The following CLDN14 variants were observed in gnomAD, a reference collection of about 807,000 sequenced individuals.
The protein encoded by CLDN14 is claudin-14.
Under a neutral mutation model 2.1 loss-of-function variants are expected in CLDN14, and 2 were observed. The ratio of observed to expected loss-of-function variants is 0.96; its 90% CI spans 0.39 to 3.01. CLDN14 has a LOEUF of 3.01. CLDN14 is among the 30% of genes most tolerant of loss of function. CLDN14 has a pLI of 0.09. For synonymous variants in CLDN14, 136 were observed against 154.4 expected (o/e 0.88, Z 0.88); for missense variants, 298 against 328.0 (o/e 0.91, Z 0.71).
chr21:36,535,770 T>C (rs1276955654), intron 1 of CLDN14, among the ~76,000 whole-genome samples: 2 of 152,200 alleles, frequency 1.3e-5, no homozygotes, highest in Non-Finnish European at 2.9e-5. Flanking sequence ...TGTAACGTCA[T>C]GTATAAGCAA....
chr21:36,543,812 G>T (rs147855880), intron 1 of CLDN14, among the ~76,000 whole-genome samples: 1 of 152,172 alleles, frequency 6.6e-6, no homozygotes, highest in African/African-American at 2.4e-5. Context: ...TGTGGGACAC[G>T]GCCAAAAGCA....
chr21:36,486,522 C>A, intron 2 of CLDN14: 1 of 1,565,420 alleles, frequency 6.4e-7, no homozygotes, highest in Non-Finnish European at 8.8e-7. Context: ...AGCATGGCAC[C>A]CCCTTCCCCA....
At chr21:36,555,859 G>GAA (rs2087595891) in intron 1 of CLDN14, among the ~76,000 whole-genome samples, 5 of 151,584 alleles carry the variant, frequency 3.3e-5, no homozygotes, top group Non-Finnish European at 7.4e-5. Context: ...GTGAGAGAGA[G>GAA]AGAGTGTGTG....
At chr21:36,494,293 A>C (rs1412928245) in intron 2 of CLDN14, among the ~76,000 whole-genome samples, 1 of 152,206 alleles carries the variant, frequency 6.6e-6, no homozygotes, top group Non-Finnish European at 1.5e-5. Context: ...TTATCTAATA[A>C]GGCCCATTTC....
chr21:36,508,263 T>C (rs973421707), intron 2 of CLDN14, among the ~76,000 whole-genome samples: 4 of 152,222 alleles, frequency 2.6e-5, no homozygotes, highest in African/African-American at 9.6e-5. Flanking sequence ...GTGATTGTTC[T>C]AGACTCACCC....
chr21:36,572,438 C>T (rs990593520), intron 1 of CLDN14, among the ~76,000 whole-genome samples: 7 of 152,054 alleles, frequency 4.6e-5, no homozygotes, highest in Non-Finnish European at 7.4e-5. Flanking sequence ...CAACCTCTAC[C>T]CTCCACCCAG....
chr21:36,515,826 ACC>A (rs1263973946), intron 1 of CLDN14, among the ~76,000 whole-genome samples: 2 of 118,892 alleles, frequency 1.7e-5, no homozygotes, highest in Non-Finnish European at 3.3e-5. Flanking sequence ...TCACTCTGTC[ACC>A]CAGGCTGGAG....
intron 1 of CLDN14, among the ~76,000 whole-genome samples, chr21:36,549,493 C>T (rs2087549183): frequency 6.6e-6 from 1 of 152,212 alleles, no homozygotes; most frequent in African/African-American, 2.4e-5. Context: ...TCTCAGGGCA[C>T]CCCACAGAGG....
chr21:36,568,491 A>G (rs1375544319), intron 1 of CLDN14, among the ~76,000 whole-genome samples: 1 of 152,196 alleles, frequency 6.6e-6, no homozygotes, highest in Non-Finnish European at 1.5e-5. Context: ...AGCCCCTGGC[A>G]TGGGGATGGG....
chr21:36,516,195 C>G (rs1232979573), intron 1 of CLDN14, among the ~76,000 whole-genome samples: 2 of 152,092 alleles, frequency 1.3e-5, no homozygotes, highest in Admixed American at 6.6e-5. Flanking sequence ...GTTTGTATCT[C>G]TTGTATGGAT....
chr21:36,547,357 T>C (rs1056184831), intron 1 of CLDN14, among the ~76,000 whole-genome samples: 3 of 152,210 alleles, frequency 2.0e-5, no homozygotes, highest in Non-Finnish European at 4.4e-5. Context: ...CTACTTGAAA[T>C]ACATTTGAAT....
chr21:36,565,030 T>C (rs385073), intron 1 of CLDN14, among the ~76,000 whole-genome samples: 89,183 of 152,092 alleles, frequency 0.59, 27,237 homozygotes, highest in Middle Eastern at 0.7. Context: ...CCTCTAGAAC[T>C]GTAGGATAAT....
At chr21:36,529,231 C>T (rs1044136060) in intron 1 of CLDN14, among the ~76,000 whole-genome samples, 2 of 152,074 alleles carry the variant, frequency 1.3e-5, no homozygotes, top group South Asian at 2.1e-4. Context: ...ACACAGAGTA[C>T]GTAGCTTATT....
rs564028567 is a variant in CLDN14 at position 36,465,732 on chromosome 21, C to T, written c.-81-3956G>A. 1.1e-3 allele frequency among the ~76,000 whole-genome samples: 164 copies of T among 152,350 alleles called. 1 individual carries two copies. Among genetic ancestry groups the T allele is most frequent in the African/African-American group, 3.8e-3 (156 of 41,574 alleles). ...CCATGCAGGGCTGAACTGGTGTTCA[C>T]CTGTGGGCTACCATTTTCCTGCAGC... On this transcript the variant is annotated intron_variant, in intron 1 of 1. Coordinates refer to ENST00000399135, the MANE Select transcript of CLDN14 (RefSeq NM_001146079.2).
intron 1 of CLDN14, among the ~76,000 whole-genome samples, chr21:36,549,584 G>A (rs2087549719): frequency 6.6e-6 from 1 of 152,186 alleles, no homozygotes; most frequent in Non-Finnish European, 1.5e-5. Flanking sequence ...AAGGGCCGGT[G>A]GGGCGAGAAT....
At chr21:36,466,074 T>C (rs1165823282) in intron 1 of CLDN14, among the ~76,000 whole-genome samples, 2 of 152,156 alleles carry the variant, frequency 1.3e-5, no homozygotes, top group Non-Finnish European at 2.9e-5. Flanking sequence ...CAAATATGTT[T>C]AAGAAAACCT....
intron 1 of CLDN14, among the ~76,000 whole-genome samples, chr21:36,556,841 C>T (rs981148391): frequency 6.6e-6 from 1 of 152,104 alleles, no homozygotes; most frequent in Non-Finnish European, 1.5e-5. Flanking sequence ...ATTGTATGAG[C>T]GTGCAGTACA....
chr21:36,541,901 C>G (rs550421696), intron 1 of CLDN14, among the ~76,000 whole-genome samples: 2 of 152,124 alleles, frequency 1.3e-5, no homozygotes, highest in Non-Finnish European at 2.9e-5. Flanking sequence ...TTACCCCCCC[C>G]CAATCATGTG....
chr21:36,476,567 C>T (rs1321839111), intron 1 of CLDN14, among the ~76,000 whole-genome samples: 1 of 152,222 alleles, frequency 6.6e-6, no homozygotes, highest in Non-Finnish European at 1.5e-5. Flanking sequence ...ATTCTCCTGC[C>T]TCAGCCTCCT....
Sources: gnomAD v4.1 joint callset for allele counts (sites outside exome capture counted in the v4.1 genomes callset) on GRCh38, gnomAD v4.1.1 for gene constraint, MANE v1.5 for transcripts, NCBI Gene and HGNC (gene_info 2026-07-23, HGNC 2026-07-21) for gene names.